UBE2G2: variants seen among roughly 807,000 people sequenced by gnomAD.
UBE2G2 encodes ubiquitin conjugating enzyme E2 G2, also known as ubiquitin-conjugating enzyme E2 G2.
A neutral mutation model predicts 23.0 loss-of-function variants in UBE2G2; 10 were observed. The ratio of observed to expected loss-of-function variants is 0.43; its 90% CI spans 0.27 to 0.74. The LOEUF is 0.74. UBE2G2 is among the 30% of genes least tolerant of loss of function. The probability of loss-of-function intolerance (pLI) is 0.19; values close to 1 mark genes in which losing one functional copy is unlikely to be tolerated. For synonymous variants in UBE2G2, 86 were observed against 81.3 expected, an observed-to-expected ratio of 1.06 and a Z score of -0.31; for missense variants, 150 against 218.3, an observed-to-expected ratio of 0.69 and a Z score of 1.97.
At chr21:44,773,391 G>A (rs1555960158) in intron 5 of UBE2G2, among the ~76,000 whole-genome samples, 156 bp downstream of exon 5, 1 of 152,170 alleles carries the variant, frequency 6.6e-6, no homozygotes, top group African/African-American at 2.4e-5. Flanking sequence ...GCTTACAATT[G>A]GAAAAGTGTA....
Position 44,773,056 on chromosome 21 carries a change from CCCT to C in UBE2G2, c.385+488_385+490del, listed in dbSNP as rs543544852. Reference sequence around the variant, plus strand: ...CCTTTGCCCCAAAACCCCATTCCCTCCCTCCTACCTCATCAACACCTACATGTC... The same window carrying C: ...CCTTTGCCCCAAAACCCCATTCCCTCCCTACCTCATCAACACCTACATGTC... On this transcript the variant is annotated intron_variant, in intron 5 of 5. Coordinates refer to ENST00000345496, the MANE Select transcript of UBE2G2 (RefSeq NM_003343.6). 4.4e-3 allele frequency among the ~76,000 whole-genome samples: 677 copies of C among 152,292 alleles called. 8 individuals are homozygous for C. The highest frequency in any genetic ancestry group is 0.016 in the African/African-American group (648 of 41,540).
At chr21:44,792,860 G>A (rs1269759655) in intron 1 of UBE2G2, among the ~76,000 whole-genome samples, 4 of 152,246 alleles carry the variant, frequency 2.6e-5, no homozygotes, top group Non-Finnish European at 5.9e-5. Flanking sequence ...AAGGCAGAGT[G>A]GCAAGGAGGG....
intron 1 of UBE2G2, among the ~76,000 whole-genome samples, chr21:44,790,590 T>C (rs1301273938): frequency 2.0e-5 from 3 of 152,218 alleles, no homozygotes; most frequent in African/African-American, 7.2e-5. Flanking sequence ...CTGGTGGTTT[T>C]ATAAGTGTTC....
intron 1 of UBE2G2, among the ~76,000 whole-genome samples, chr21:44,795,061 G>A (rs1475951412): frequency 6.6e-6 from 1 of 151,820 alleles, no homozygotes; most frequent in East Asian, 1.9e-4. Flanking sequence ...TCAGGAGTTA[G>A]AGACCAGCCT....
chr21:44,788,523 T>C (rs1178440579), intron 1 of UBE2G2, among the ~76,000 whole-genome samples: 1 of 152,094 alleles, frequency 6.6e-6, no homozygotes, highest in Non-Finnish European at 1.5e-5. Context: ...TCTCCTGACC[T>C]CGTGATCCGC....
chr21:44,787,854 T>A, intron 3 of UBE2G2, 66 bp downstream of exon 3: 1 of 1,554,748 alleles, frequency 6.4e-7, no homozygotes, highest in South Asian at 1.1e-5. Flanking sequence ...GTCACACTGC[T>A]GATGTGATTC....
chr21:44,780,895 T>C (rs1413672631), intron 3 of UBE2G2, among the ~76,000 whole-genome samples: 1 of 152,194 alleles, frequency 6.6e-6, no homozygotes, highest in African/African-American at 2.4e-5. Flanking sequence ...CTTTTTACTT[T>C]CTAGATAAGA....
Position 44,779,054 on chromosome 21 carries a change from A to G in UBE2G2, c.126-1637T>C, listed in dbSNP as rs184829924. 682 of 161,762 alleles carry G rather than the reference A, an allele frequency of 4.2e-3. 8 individuals carry two copies. The highest frequency in any genetic ancestry group is 0.016 in the African/African-American group (652 of 41,750). The allele number at this position is 161,762 out of a possible 1,614,324, so 10.0% of individuals were successfully genotyped here. A position where few individuals can be genotyped will look rare whatever the true frequency, so the allele number is the denominator to read the frequency against. On this transcript the variant is annotated intron_variant, in intron 3 of 5. Transcript: ENST00000345496. ...AAATTATCTTGGTTCAGTGAAATTA[A>G]TAACAACAGACTTGGAAATATTTAT... is the stretch of plus-strand genomic sequence containing the variant.
chr21:44,794,836 G>C (rs916126663), intron 1 of UBE2G2, among the ~76,000 whole-genome samples: 4 of 152,046 alleles, frequency 2.6e-5, no homozygotes. Flanking sequence ...CCCAGCCAAA[G>C]AACTAAAACT....
chr21:44,796,007 C>T (rs2083085981), intron 1 of UBE2G2, among the ~76,000 whole-genome samples: 1 of 152,180 alleles, frequency 6.6e-6, no homozygotes, highest in Non-Finnish European at 1.5e-5. Flanking sequence ...GTTCTCCCCT[C>T]GAGCCCTCAA....
intron 4 of UBE2G2, among the ~76,000 whole-genome samples, chr21:44,776,251 G>C (rs190010474): frequency 1.3e-5 from 2 of 151,984 alleles, no homozygotes; most frequent in African/African-American, 2.4e-5. Flanking sequence ...ATAAGCTACA[G>C]TACAATTCAC....
At position 44,772,346 on chromosome 21, in the gene UBE2G2, C is replaced by T. The variant is rs1278952509; in HGVS notation, c.386-857G>A. ...TCAGGATACACACTCGCGTCACAGG[C>T]CCTGACCTCACATCCCTCTAGACCC... is the stretch of plus-strand genomic sequence containing the variant. On this transcript the variant is annotated intron_variant, in intron 5 of 5. Coordinates refer to ENST00000345496, the MANE Select transcript of UBE2G2 (RefSeq NM_003343.6). This position sits in a 1 kb window ranked among gnomAD's most constrained non-coding sequence, Gnocchi z 5.4. 6.6e-6 allele frequency among the ~76,000 whole-genome samples: 1 copy of T among 152,100 alleles called. No homozygotes were observed. Among genetic ancestry groups the T allele is most frequent in the Non-Finnish European group, 1.5e-5 (1 of 68,014 alleles).
chr21:44,795,397 C>T (rs1355712331), intron 1 of UBE2G2, among the ~76,000 whole-genome samples: 4 of 152,050 alleles, frequency 2.6e-5, no homozygotes, highest in African/African-American at 9.7e-5. Flanking sequence ...TTTGGAAGGC[C>T]AAGACGGGCA....
chr21:44,793,699 G>T (rs1601196223), intron 1 of UBE2G2, among the ~76,000 whole-genome samples: 1 of 152,142 alleles, frequency 6.6e-6, no homozygotes, highest in African/African-American at 2.4e-5. Context: ...ATTTTCAGAG[G>T]CCATTCCTTG....
At position 44,769,640 on chromosome 21, in the gene UBE2G2, A is replaced by T. The variant is rs2082857231; in HGVS notation, c.*1737T>A. Reference sequence around the variant, plus strand: ...TGATCCGCCCGCCTCAGTCTCCCAAAGTGCTGGGATTGCAGGCGTGAGCCA... The same window carrying T: ...TGATCCGCCCGCCTCAGTCTCCCAATGTGCTGGGATTGCAGGCGTGAGCCA... On this transcript the variant is annotated 3_prime_UTR_variant, in exon 6 of 6. Transcript: ENST00000345496. 6.6e-6 allele frequency: 1 copy of T among 152,252 alleles called. No individual in the cohort carries two copies. Among genetic ancestry groups the T allele is most frequent in the Non-Finnish European group, 1.5e-5 (1 of 68,078 alleles). 9.4% of individuals were successfully genotyped at this position (152,252 alleles called of 1,614,324 possible).
At chr21:44,776,931 C>G in intron 4 of UBE2G2, 1 of 193,104 alleles carries the variant, frequency 5.2e-6, no homozygotes, top group Non-Finnish European at 1.0e-5. Context: ...TTAATTTATT[C>G]TTGTGTTAAA....
At chr21:44,797,527 T>A (rs2083101058) in intron 1 of UBE2G2, among the ~76,000 whole-genome samples, 2 of 151,768 alleles carry the variant, frequency 1.3e-5, no homozygotes, top group African/African-American at 4.8e-5. Context: ...CCATCCTGGC[T>A]AACACGGTGA....
At chr21:44,778,362 A>G (rs1012695278) in intron 3 of UBE2G2, among the ~76,000 whole-genome samples, 14 of 152,218 alleles carry the variant, frequency 9.2e-5, no homozygotes, top group African/African-American at 3.1e-4. Context: ...CTGATGCAAC[A>G]TTGGAGCAAC....
chr21:44,777,254 C>A (rs781886308), intron 4 of UBE2G2, 45 bp downstream of exon 4: 2 of 1,490,374 alleles, frequency 1.3e-6, no homozygotes, highest in Admixed American at 1.7e-5. Flanking sequence ...ATATTATCTC[C>A]GTACCTATCC....
Sources: allele counts gnomAD v4.1 joint callset (sites outside exome capture counted in the v4.1 genomes callset), GRCh38; gene constraint gnomAD v4.1.1; non-coding constraint Gnocchi (gnomAD v3.1); transcripts MANE v1.5; gene names NCBI Gene and HGNC (gene_info 2026-07-23, HGNC 2026-07-21).